The following KIAA1328 variants were observed in gnomAD, a reference collection of about 807,000 sequenced individuals.
KIAA1328 encodes the protein protein hinderin.
In KIAA1328, 52 loss-of-function variants were observed where a neutral mutation model predicts 68.1. That is an observed-to-expected ratio of 0.76 (90% CI 0.61 to 0.96). The LOEUF (loss-of-function observed/expected upper bound fraction) is 0.96, where lower values mean the gene tolerates loss of function less well. KIAA1328 is among the 40% of genes least tolerant of loss of function. KIAA1328 has a pLI of 0.00. For missense variants in KIAA1328, 641 were observed against 677.6 expected (o/e 0.95, Z 0.60); for synonymous variants, 232 against 239.4 (o/e 0.97, Z 0.28).
intron 7 of KIAA1328, among the ~76,000 whole-genome samples, chr18:37,153,981 C>A (rs914871161): frequency 1.3e-5 from 2 of 152,042 alleles, no homozygotes; most frequent in Non-Finnish European, 2.9e-5. Flanking sequence ...ATCACTGACA[C>A]CCCTTTCCCT....
intron 6 of KIAA1328, among the ~76,000 whole-genome samples, chr18:37,027,755 C>G (rs1283939331): frequency 6.6e-6 from 1 of 151,816 alleles, no homozygotes; most frequent in Non-Finnish European, 1.5e-5. Flanking sequence ...GACCTAAAAC[C>G]ATAAAAACCC....
intron 7 of KIAA1328, among the ~76,000 whole-genome samples, chr18:37,123,129 T>C (rs2058312084): frequency 1.3e-5 from 2 of 152,168 alleles, no homozygotes; most frequent in South Asian, 4.1e-4. Context: ...CTTCACAGGA[T>C]GGCTGTGAGA....
At chr18:36,960,310 G>A (rs752899332) in intron 6 of KIAA1328, among the ~76,000 whole-genome samples, 3 of 152,188 alleles carry the variant, frequency 2.0e-5, no homozygotes, top group East Asian at 1.9e-4. Flanking sequence ...CGGGAAGCTC[G>A]AACTGGATGG....
At chr18:37,152,600 A>C (rs894445642) in intron 7 of KIAA1328, among the ~76,000 whole-genome samples, 1 of 152,152 alleles carries the variant, frequency 6.6e-6, no homozygotes, top group African/African-American at 2.4e-5. Flanking sequence ...TGTCTCCTGC[A>C]GTGTCCAGAG....
chr18:37,026,271 A>G (rs949660534), intron 6 of KIAA1328, among the ~76,000 whole-genome samples: 4 of 152,208 alleles, frequency 2.6e-5, no homozygotes, highest in African/African-American at 9.6e-5. Flanking sequence ...AGATGGATTC[A>G]CAGCCAAATT....
chr18:37,031,487 C>T (rs1388436908), intron 6 of KIAA1328, among the ~76,000 whole-genome samples: 8 of 152,230 alleles, frequency 5.3e-5, no homozygotes, highest in Middle Eastern at 6.8e-3. Flanking sequence ...GCCACTTCAG[C>T]TTTTTTATAA....
At chr18:36,886,499 GGTGTGTGTGTGTGTGTGTGTTTGT>G (rs1012037644) in intron 5 of KIAA1328, 1 of 150,118 alleles carries the variant, frequency 6.7e-6, no homozygotes, top group African/African-American at 2.4e-5. Flanking sequence ...GACCTAGAGG[GGTGTGTGTGTGTGTGTGTGTTTGT>G]GTGTGTGTGT....
chr18:36,920,246 C>T (rs1019154445), intron 5 of KIAA1328, among the ~76,000 whole-genome samples: 1 of 152,106 alleles, frequency 6.6e-6, no homozygotes, highest in Non-Finnish European at 1.5e-5. Flanking sequence ...AGGCAGGGGC[C>T]TAGGTTCATT....
At chr18:37,086,957 A>C (rs2057122879) in intron 7 of KIAA1328, among the ~76,000 whole-genome samples, 1 of 152,162 alleles carries the variant, frequency 6.6e-6, no homozygotes, top group Non-Finnish European at 1.5e-5. Flanking sequence ...TCCTTTGCTA[A>C]TGTATTGTCT....
chr18:37,063,911 T>A (rs866825556), intron 6 of KIAA1328, among the ~76,000 whole-genome samples: 1 of 152,058 alleles, frequency 6.6e-6, no homozygotes, highest in African/African-American at 2.4e-5. Flanking sequence ...CTGGATCTTT[T>A]AAAAACTTAC....
chr18:37,096,110 C>T (rs868449988), intron 7 of KIAA1328, among the ~76,000 whole-genome samples: 1 of 151,782 alleles, frequency 6.6e-6, no homozygotes, highest in Non-Finnish European at 1.5e-5. Flanking sequence ...TAAGTTTTAG[C>T]GTACATGTGC....
chr18:37,195,665 T>C (rs1382618121), intron 9 of KIAA1328, among the ~76,000 whole-genome samples: 1 of 152,236 alleles, frequency 6.6e-6, no homozygotes, highest in African/African-American at 2.4e-5. Context: ...GTGTCTGTTT[T>C]TATGCCAGTA....
intron 7 of KIAA1328, among the ~76,000 whole-genome samples, chr18:37,114,931 G>T (rs539480557): frequency 6.6e-6 from 1 of 152,002 alleles, no homozygotes; most frequent in Non-Finnish European, 1.5e-5. Flanking sequence ...TGGATAAATT[G>T]CTCAACACAT....
intron 6 of KIAA1328, among the ~76,000 whole-genome samples, chr18:36,991,859 A>C (rs1404349273): frequency 6.6e-6 from 1 of 152,190 alleles, no homozygotes; most frequent in East Asian, 1.9e-4. Context: ...AGGTCTTTTT[A>C]CAGATTGGGC....
intron 8 of KIAA1328, among the ~76,000 whole-genome samples, chr18:37,168,352 A>G (rs2059431486): frequency 6.6e-6 from 1 of 152,236 alleles, no homozygotes; most frequent in South Asian, 2.1e-4. Context: ...ATTAGGGAAT[A>G]TAATCTAGCT....
chr18:36,933,931 G>T (rs1384511532), intron 5 of KIAA1328, among the ~76,000 whole-genome samples: 1 of 152,156 alleles, frequency 6.6e-6, no homozygotes, highest in Non-Finnish European at 1.5e-5. Context: ...GAGAACTTTG[G>T]GGGATAGGCG....
chr18:36,913,479 TACACACACACAC>T (rs10582262), intron 5 of KIAA1328, among the ~76,000 whole-genome samples: 46 of 91,426 alleles, frequency 5.0e-4, no homozygotes, highest in African/African-American at 1.5e-3. Context: ...ATTACAACCT[TACACACACACAC>T]ACACACACAC....
At chr18:36,862,352 T>G (rs1431161419) in intron 4 of KIAA1328, among the ~76,000 whole-genome samples, 3 of 152,242 alleles carry the variant, frequency 2.0e-5, no homozygotes, top group African/African-American at 7.2e-5. Flanking sequence ...CACAAATACT[T>G]TCTTTCCTAT....
intron 4 of KIAA1328, among the ~76,000 whole-genome samples, chr18:36,883,952 G>GTATATGTGTATA (rs540895118): frequency 8.3e-6 from 1 of 120,804 alleles, no homozygotes; most frequent in Non-Finnish European, 1.7e-5. Context: ...TATTTATAAA[G>GTATATGTGTATA]TATATATATA....
Sources: gnomAD v4.1 joint callset for allele counts (sites outside exome capture counted in the v4.1 genomes callset) on GRCh38, gnomAD v4.1.1 for gene constraint, MANE v1.5 for transcripts, NCBI Gene and HGNC (gene_info 2026-07-23, HGNC 2026-07-21) for gene names.